The following STAU2 variants were observed in gnomAD, a reference collection of about 807,000 sequenced individuals.
STAU2 encodes the protein double-stranded RNA-binding protein Staufen homolog 2.
A neutral mutation model predicts 65.9 loss-of-function variants in STAU2; 20 were observed. That is an observed-to-expected ratio of 0.30 (90% CI 0.21 to 0.44). The LOEUF (loss-of-function observed/expected upper bound fraction) is 0.44. STAU2 is among the 20% of genes least tolerant of loss of function. The probability of loss-of-function intolerance (pLI) is 1.00; values close to 1 mark genes in which losing one functional copy is unlikely to be tolerated. For missense variants in STAU2, 558 were observed against 683.9 expected, an observed-to-expected ratio of 0.82 and a Z score of 2.05; for synonymous variants, 232 against 233.9, an observed-to-expected ratio of 0.99 and a Z score of 0.07.
Position 73,540,826 on chromosome 8 carries a change from T to C in STAU2, c.1530+11186A>G, listed in dbSNP as rs530428842. ...GCAGTAAGAATTATGAGTTTTGACT[T>C]TTTTTTTTCCATCTGTGCTTCTTAT... is the stretch of plus-strand genomic sequence containing the variant. On this transcript the variant is annotated intron_variant, in intron 13 of 14. Transcript: ENST00000524300. Among the ~76,000 whole-genome samples, 9 of 151,544 alleles carry C rather than the reference T, an allele frequency of 5.9e-5. No homozygotes were observed. The South Asian group carries it at 1.9e-3, about 32-fold the overall frequency.
chr8:73,570,392 G>T (rs1450623168), intron 12 of STAU2, among the ~76,000 whole-genome samples: 2 of 151,350 alleles, frequency 1.3e-5, no homozygotes, highest in African/African-American at 4.9e-5. Flanking sequence ...CACTCTGCAG[G>T]ATATTATCCA....
intron 10 of STAU2, among the ~76,000 whole-genome samples, chr8:73,595,900 T>A (rs921598706): frequency 6.6e-6 from 1 of 152,142 alleles, no homozygotes; most frequent in Non-Finnish European, 1.5e-5. Context: ...GATCACAAGG[T>A]CAGGAGTTTG....
chr8:73,686,841 T>C (rs1426997326), intron 5 of STAU2, among the ~76,000 whole-genome samples: 21 of 151,280 alleles, frequency 1.4e-4, no homozygotes, highest in Admixed American at 1.4e-3. Context: ...GTAATTTACT[T>C]AGCAGTATTT....
intron 6 of STAU2, among the ~76,000 whole-genome samples, chr8:73,668,306 C>T (rs1340965518): frequency 6.6e-6 from 1 of 152,176 alleles, no homozygotes; most frequent in Non-Finnish European, 1.5e-5. Flanking sequence ...TAAAGCCCTA[C>T]ATCCAACTAT....
intron 13 of STAU2, among the ~76,000 whole-genome samples, chr8:73,493,754 G>C (rs1373604230): frequency 1.3e-5 from 2 of 151,622 alleles, no homozygotes; most frequent in African/African-American, 4.8e-5. Flanking sequence ...ATTGATGCAA[G>C]AGAAAAAAAC....
intron 13 of STAU2, among the ~76,000 whole-genome samples, chr8:73,454,769 C>T (rs930886519): frequency 1.3e-5 from 2 of 152,146 alleles, no homozygotes; most frequent in African/African-American, 2.4e-5. Flanking sequence ...TCTTTCAAGC[C>T]GTGATTAATA....
chr8:73,565,989 A>C (rs1413596087), intron 12 of STAU2, among the ~76,000 whole-genome samples: 1 of 152,242 alleles, frequency 6.6e-6, no homozygotes, highest in African/African-American at 2.4e-5. Flanking sequence ...AAGAAGTCTA[A>C]TGTTCTGTAT....
chr8:73,658,099 C>T (rs889281616), intron 6 of STAU2, among the ~76,000 whole-genome samples: 1 of 152,058 alleles, frequency 6.6e-6, no homozygotes, highest in Non-Finnish European at 1.5e-5. Flanking sequence ...CACGGTGGCT[C>T]ACGCCTGTAA....
intron 5 of STAU2, among the ~76,000 whole-genome samples, chr8:73,678,174 T>G (rs1181767852): frequency 6.6e-6 from 1 of 152,182 alleles, no homozygotes. Flanking sequence ...TCCCTTTACA[T>G]GTCAAACTGA....
At chr8:73,698,935 A>AAG (rs1554566723) in intron 4 of STAU2, among the ~76,000 whole-genome samples, 129 of 144,404 alleles carry the variant, frequency 8.9e-4, no homozygotes, top group South Asian at 4.4e-3. Context: ...AAAAAAAAAA[A>AAG]AGAGAGAGAG....
chr8:73,677,616 A>C (rs1818111058), intron 5 of STAU2, among the ~76,000 whole-genome samples: 1 of 152,170 alleles, frequency 6.6e-6, no homozygotes, highest in Non-Finnish European at 1.5e-5. Flanking sequence ...AGGCACAACT[A>C]ATCTGGTAGA....
chr8:73,747,355 C>A, upstream of STAU2: 1 of 1,534,698 alleles, frequency 6.5e-7, no homozygotes, highest in Non-Finnish European at 8.7e-7. Context: ...TCTTTCTGGT[C>A]CGCACCCTGT....
At chr8:73,551,860 T>C in intron 13 of STAU2, 152 bp downstream of exon 13, 1 of 1,310,474 alleles carries the variant, frequency 7.6e-7, no homozygotes. Context: ...GCATATGGCT[T>C]TTTTGTCTGT....
chr8:73,582,600 T>C (rs1347290960), intron 12 of STAU2, among the ~76,000 whole-genome samples, 170 bp downstream of exon 12: 1 of 152,104 alleles, frequency 6.6e-6, no homozygotes, highest in African/African-American at 2.4e-5. Context: ...GTCTTAGTTT[T>C]CCAGCTATTC....
At chr8:73,446,796 C>G (rs1655769705) in intron 13 of STAU2, among the ~76,000 whole-genome samples, 1 of 151,876 alleles carries the variant, frequency 6.6e-6, no homozygotes, top group African/African-American at 2.4e-5. Context: ...ATTAATAACT[C>G]TCATTGTAAA....
chr8:73,578,608 C>A (rs551952254), intron 12 of STAU2, among the ~76,000 whole-genome samples: 1 of 152,276 alleles, frequency 6.6e-6, no homozygotes, highest in Non-Finnish European at 1.5e-5. Flanking sequence ...TCCCATTGCT[C>A]CCAATTGCTT....
chr8:73,607,589 TA>T (rs1365393652), intron 9 of STAU2, among the ~76,000 whole-genome samples: 1 of 151,552 alleles, frequency 6.6e-6, no homozygotes. Context: ...TACAAAAAAT[TA>T]GCCGGGCATG....
intron 6 of STAU2, among the ~76,000 whole-genome samples, chr8:73,627,789 G>A (rs1466616843): frequency 1.3e-5 from 2 of 150,270 alleles, no homozygotes; most frequent in African/African-American, 4.9e-5. Flanking sequence ...AGTGTGGACA[G>A]AGGAAAATAT....
intron 6 of STAU2, 154 bp downstream of exon 6, chr8:73,672,953 T>G: frequency 1.5e-6 from 1 of 670,064 alleles, no homozygotes; most frequent in Admixed American, 4.0e-5. Context: ...AGTTATTAAT[T>G]TAAATATTCC....
Sources: allele counts gnomAD v4.1 joint callset (sites outside exome capture counted in the v4.1 genomes callset), GRCh38; gene constraint gnomAD v4.1.1; transcripts MANE v1.5; gene names NCBI Gene and HGNC (gene_info 2026-07-23, HGNC 2026-07-21).